GTF2H1: variants seen among roughly 807,000 people sequenced by gnomAD.
GTF2H1 encodes general transcription factor IIH subunit 1.
In GTF2H1, 16 loss-of-function variants were observed where a neutral mutation model predicts 71.2. The ratio of observed to expected loss-of-function variants is 0.22; its 90% CI spans 0.15 to 0.34. GTF2H1 has a LOEUF of 0.34. GTF2H1 is among the 10% of genes least tolerant of loss of function. The pLI, the probability that GTF2H1 is intolerant of heterozygous loss-of-function variation, is 1.00. For synonymous variants in GTF2H1, 215 were observed against 219.0 expected (o/e 0.98, Z 0.16); for missense variants, 498 against 648.2 (o/e 0.77, Z 2.52).
intron 2 of GTF2H1, among the ~76,000 whole-genome samples, chr11:18,334,440 A>G (rs1236733648): frequency 2.8e-4 from 43 of 152,230 alleles, no homozygotes; most frequent in Admixed American, 2.7e-3. Context: ...AGCCTTAGCT[A>G]CTAACATTTC....
chr11:18,334,718 A>T (rs1864984102), intron 2 of GTF2H1, among the ~76,000 whole-genome samples: 1 of 152,232 alleles, frequency 6.6e-6, no homozygotes, highest in South Asian at 2.1e-4. Flanking sequence ...TTTAGTTCTT[A>T]TCATAGCTGA....
chr11:18,337,656 C>T (rs1865062944), intron 3 of GTF2H1, among the ~76,000 whole-genome samples: 2 of 151,684 alleles, frequency 1.3e-5, no homozygotes, highest in Admixed American at 1.3e-4. Context: ...TAACTATTTA[C>T]CTTGTATTTG....
At chr11:18,357,137 A>G (rs567684121) in intron 11 of GTF2H1, among the ~76,000 whole-genome samples, 1 of 152,064 alleles carries the variant, frequency 6.6e-6, no homozygotes, top group Non-Finnish European at 1.5e-5. Flanking sequence ...ATGGATTTCT[A>G]CTCATAAAAA....
intron 3 of GTF2H1, 152 bp downstream of exon 3, chr11:18,336,098 T>TG (rs1865022170): frequency 1.6e-6 from 1 of 615,846 alleles, no homozygotes; most frequent in Admixed American, 3.1e-5. Flanking sequence ...TTTGTTTGTT[T>TG]GTTTTGGTGG....
intron 7 of GTF2H1, among the ~76,000 whole-genome samples, chr11:18,344,682 CTTCA>C (rs2133971829): frequency 6.6e-6 from 1 of 151,480 alleles, no homozygotes; most frequent in South Asian, 2.1e-4. Context: ...ATGTGAATCT[CTTCA>C]TTATCTTCTC....
chr11:18,352,101 A>G, intron 10 of GTF2H1, 132 bp downstream of exon 10: 1 of 644,806 alleles, frequency 1.6e-6, no homozygotes. Flanking sequence ...TTTAAAATTT[A>G]GGCTTCTCAG....
At chr11:18,348,683 A>G (rs1300969530) in intron 9 of GTF2H1, 1 of 152,214 alleles carries the variant, frequency 6.6e-6, no homozygotes, top group Non-Finnish European at 1.5e-5. Flanking sequence ...ATTATTTTGA[A>G]AGCATTAATG....
chr11:18,323,181 T>A (rs1864586572), intron 1 of GTF2H1, among the ~76,000 whole-genome samples: 1 of 152,222 alleles, frequency 6.6e-6, no homozygotes, highest in Non-Finnish European at 1.5e-5. Context: ...ACTCCTAGTT[T>A]TGGTCATTTG....
Position 18,351,986 on chromosome 11 carries a change from T to C in GTF2H1, c.1142+17T>C. On this transcript the variant is annotated intron_variant, in intron 10 of 14. Transcript: ENST00000265963. Reference sequence around the variant, plus strand: ...GTCAGATAGGTAAGTTTGGTCAATATTAAGCAGAATAGCTATGTAACAATT... The same window carrying C: ...GTCAGATAGGTAAGTTTGGTCAATACTAAGCAGAATAGCTATGTAACAATT... 1 of 1,263,574 alleles carries C rather than the reference T, an allele frequency of 7.9e-7. No homozygotes were observed. The allele number at this position is 1,263,574 out of a possible 1,614,324, so 78.3% of individuals were successfully genotyped here. A position where few individuals can be genotyped will look rare whatever the true frequency, so the allele number is the denominator to read the frequency against.
chr11:18,345,110 G>C (rs956439889), intron 7 of GTF2H1, among the ~76,000 whole-genome samples: 2 of 142,106 alleles, frequency 1.4e-5, no homozygotes, highest in African/African-American at 6.2e-5. Flanking sequence ...AGGATCACTT[G>C]AGCCCAGGAG....
intron 1 of GTF2H1, among the ~76,000 whole-genome samples, chr11:18,326,404 C>G (rs754661995): frequency 6.6e-6 from 1 of 152,084 alleles, no homozygotes. Flanking sequence ...TGCCTGTAAT[C>G]CCACCTATTT....
rs372076686 is a variant in GTF2H1, at chr11:18,340,540, A to G, written c.608-721A>G. 2.0e-5 allele frequency among the ~76,000 whole-genome samples: 3 copies of G among 152,132 alleles called. No individual in the cohort carries two copies. In the East Asian group the frequency reaches 5.8e-4, roughly 29 times the overall value. ...TGACCTCAAGTGATCTGCCCGCCTC[A>G]GCCTCCCAAAGTGCTGAGATTACAG... On this transcript the variant is annotated intron_variant, in intron 5 of 14. Coordinates refer to ENST00000265963, the MANE Select transcript of GTF2H1 (RefSeq NM_005316.4).
chr11:18,366,141 G>T lies in GTF2H1; in HGVS notation c.*272G>T. On this transcript the variant is annotated 3_prime_UTR_variant, in exon 15 of 15. Transcript: ENST00000265963. The stretch of plus-strand genomic sequence containing the variant: ...TACACACACACACATATATGTACAT[G>T]TGTATGTACATATATATTTTAAAAG... The T allele has an allele frequency of 2.6e-6, 1 of 385,960 alleles. No individual in the cohort carries two copies. The highest frequency in any genetic ancestry group is 4.7e-6 in the Non-Finnish European group (1 of 214,400). 23.9% of individuals were successfully genotyped at this position (385,960 alleles called of 1,614,324 possible). A position where few individuals can be genotyped will look rare whatever the true frequency, so the allele number is the denominator to read the frequency against.
At chr11:18,331,393 G>A (rs867893143) in intron 1 of GTF2H1, among the ~76,000 whole-genome samples, 8 of 152,038 alleles carry the variant, frequency 5.3e-5, no homozygotes, top group East Asian at 2.0e-4. Context: ...TTTGCTGGGC[G>A]CAGTGGCTCA....
At chr11:18,351,712 T>A (rs963596449) in intron 9 of GTF2H1, 169 bp from the exon 10 acceptor site, 4 of 480,720 alleles carry the variant, frequency 8.3e-6, no homozygotes, top group Admixed American at 3.5e-5. Flanking sequence ...CTTAAGTAGT[T>A]GTTGAGAAAA....
intron 14 of GTF2H1, among the ~76,000 whole-genome samples, chr11:18,361,381 A>G (rs998166610): frequency 1.3e-5 from 2 of 151,992 alleles, no homozygotes; most frequent in Admixed American, 1.3e-4. Context: ...AAGTTTTACA[A>G]TCTGGCCGGG....
At chr11:18,347,477 G>C (rs567960219) in intron 7 of GTF2H1, 111 bp from the exon 8 acceptor site, 21 of 610,074 alleles carry the variant, frequency 3.4e-5, no homozygotes, top group Middle Eastern at 9.1e-4. Context: ...TTTAATGTTC[G>C]TGAGAAGTAA....
chr11:18,364,963 C>T (rs1338251331), intron 14 of GTF2H1, among the ~76,000 whole-genome samples: 1 of 151,636 alleles, frequency 6.6e-6, no homozygotes, highest in Non-Finnish European at 1.5e-5. Context: ...GGCACAGCAG[C>T]TCACGCCTGT....
chr11:18,328,687 A>C (rs1864826709), intron 1 of GTF2H1, among the ~76,000 whole-genome samples: 2 of 151,026 alleles, frequency 1.3e-5, no homozygotes, highest in Admixed American at 1.3e-4. Context: ...TTAGCCAGGC[A>C]TGGTGGCACA....
Sources: gnomAD v4.1 joint callset for allele counts (sites outside exome capture counted in the v4.1 genomes callset) on GRCh38, gnomAD v4.1.1 for gene constraint, MANE v1.5 for transcripts, NCBI Gene and HGNC (gene_info 2026-07-23, HGNC 2026-07-21) for gene names.